The following LMBR1 variants were observed in gnomAD, a reference collection of about 807,000 sequenced individuals.
LMBR1 encodes limb region 1 protein homolog.
Under a neutral mutation model 73.9 loss-of-function variants are expected in LMBR1, and 52 were observed. The ratio of observed to expected loss-of-function variants is 0.70; its 90% CI spans 0.56 to 0.89. The LOEUF is 0.89. LMBR1 is among the 40% of genes least tolerant of loss of function. The pLI, the probability that LMBR1 is intolerant of heterozygous loss-of-function variation, is 0.00. For synonymous variants in LMBR1, 215 were observed against 209.4 expected, an observed-to-expected ratio of 1.03 and a Z score of -0.23; for missense variants, 539 against 579.8, an observed-to-expected ratio of 0.93 and a Z score of 0.72.
intron 15 of LMBR1, among the ~76,000 whole-genome samples, chr7:156,694,259 G>A (rs1807829609): frequency 6.6e-6 from 1 of 152,034 alleles, no homozygotes; most frequent in East Asian, 1.9e-4. Context: ...CAGCCTTCCA[G>A]GTAGTTGGGA....
chr7:156,679,191 C>T lies in LMBR1; in HGVS notation c.*4887G>A, dbSNP rs1288915597. 2.0e-5 allele frequency: 3 copies of T among 152,182 alleles called. No homozygotes were observed. Among genetic ancestry groups the T allele is most frequent in the African/African-American group, 7.2e-5 (3 of 41,438 alleles). The allele number at this position is 152,182 out of a possible 1,614,324, so 9.4% of individuals were successfully genotyped here. ...ATGCAGATGTGTATTTTCGGCTTCGCAAGGTGGTCCTGGGGGTGACTGTGG... is the reference window on the plus strand; with the variant it reads ...ATGCAGATGTGTATTTTCGGCTTCGTAAGGTGGTCCTGGGGGTGACTGTGG... On this transcript the variant is annotated 3_prime_UTR_variant, in exon 17 of 17. Transcript: ENST00000353442.
rs1194019914 is a variant in LMBR1 at position 156,680,395 on chromosome 7, A to AGTGTGTGTGTGTGTGTGT, written c.*3682_*3683insACACACACACACACACAC. 2.2e-4 allele frequency: 31 copies of AGTGTGTGTGTGTGTGTGT among 138,172 alleles called. No individual in the cohort carries two copies. Among genetic ancestry groups the AGTGTGTGTGTGTGTGTGT allele is most frequent in the African/African-American group, 8.4e-4 (29 of 34,394 alleles). The allele number at this position is 138,172 out of a possible 1,614,324, so 8.6% of individuals were successfully genotyped here. On this transcript the variant is annotated 3_prime_UTR_variant, in exon 17 of 17. Coordinates refer to ENST00000353442, the MANE Select transcript of LMBR1 (RefSeq NM_022458.4). ...GAGAGACAGAGAGAGAGAGAGAGAG[A>AGTGTGTGTGTGTGTGTGT]GAGAGAGAGTGTGTGTGTGTGTGTG...
Position 156,762,123 on chromosome 7 carries a change from TA to T in LMBR1, c.684+10del, listed in dbSNP as rs779546373. Reference sequence around the variant, plus strand: ...TTTAATAAACAAAATGATTTATAATTAAATACTTACTGTTGGCTTCACTAGC... The same window carrying T: ...TTTAATAAACAAAATGATTTATAATTAATACTTACTGTTGGCTTCACTAGC... On this transcript the variant is annotated intron_variant, in intron 8 of 16. Transcript: ENST00000353442. 9 of 1,529,374 alleles carry T rather than the reference TA, an allele frequency of 5.9e-6. No homozygotes were observed. Among genetic ancestry groups the T allele is most frequent in the Middle Eastern group, 3.4e-4 (2 of 5,908 alleles). The allele number at this position is 1,529,374 out of a possible 1,614,324, so 94.7% of individuals were successfully genotyped here. A position where few individuals can be genotyped will look rare whatever the true frequency, so the allele number is the denominator to read the frequency against.
intron 1 of LMBR1, among the ~76,000 whole-genome samples, chr7:156,853,715 G>A (rs1380440117): frequency 6.6e-6 from 1 of 152,040 alleles, no homozygotes; most frequent in African/African-American, 2.4e-5. Flanking sequence ...GAGTGCAGTG[G>A]CGTGATCTCA....
chr7:156,800,150 A>G (rs79599858), intron 4 of LMBR1, among the ~76,000 whole-genome samples: 4,841 of 152,368 alleles, frequency 0.032, 121 homozygotes, highest in South Asian at 0.085. Flanking sequence ...GTGGCTGCAC[A>G]AAACAACAGA....
chr7:156,749,629 T>C lies in LMBR1; in HGVS notation c.757+6764A>G, dbSNP rs764738593. On this transcript the variant is annotated intron_variant, in intron 9 of 16. Transcript: ENST00000353442. ...ATTCCAATCTGACACCCAGCAAAAA[T>C]GAAACAACAATATAATCTGTGCTTT... Among the ~76,000 whole-genome samples the C allele has an allele frequency of 5.9e-5, 9 of 152,104 alleles. No homozygotes were observed. The South Asian group carries it at 1.0e-3, about 18-fold the overall frequency.
chr7:156,782,814 G>T (rs1210090389), intron 5 of LMBR1, among the ~76,000 whole-genome samples: 1 of 152,142 alleles, frequency 6.6e-6, no homozygotes, highest in Non-Finnish European at 1.5e-5. Flanking sequence ...CAAAATGGAG[G>T]GATTACAGGA....
chr7:156,873,623 C>G (rs996295308), intron 1 of LMBR1, among the ~76,000 whole-genome samples: 4 of 152,152 alleles, frequency 2.6e-5, no homozygotes, highest in African/African-American at 9.7e-5. Flanking sequence ...TCTCCACGTC[C>G]CCATCAGATT....
chr7:156,791,598 C>T (rs1395888355), intron 5 of LMBR1, among the ~76,000 whole-genome samples: 2 of 152,208 alleles, frequency 1.3e-5, no homozygotes, highest in East Asian at 3.8e-4. Flanking sequence ...TGTCATGTTG[C>T]TCAGCTTTAT....
Position 156,854,933 on chromosome 7 carries a change from G to A in LMBR1, c.67-18048C>T, listed in dbSNP as rs571651485. Among the ~76,000 whole-genome samples the A allele has an allele frequency of 3.3e-5, 5 of 152,326 alleles. No homozygotes were observed. The East Asian group carries it at 9.6e-4, about 29-fold the overall frequency. On this transcript the variant is annotated intron_variant, in intron 1 of 16. Coordinates refer to ENST00000353442, the MANE Select transcript of LMBR1 (RefSeq NM_022458.4). ...CTGAAACCTGTAGCTACTTCAAACAGTAAGCAGCCTAACTCACACATACAT... is the reference window on the plus strand; with the variant it reads ...CTGAAACCTGTAGCTACTTCAAACAATAAGCAGCCTAACTCACACATACAT...
chr7:156,867,291 T>C (rs1377344562), intron 1 of LMBR1, among the ~76,000 whole-genome samples: 4 of 152,186 alleles, frequency 2.6e-5, no homozygotes, highest in African/African-American at 9.7e-5. Flanking sequence ...GTGAAGAAAT[T>C]AGAATTCTCA....
At chr7:156,764,945 G>A (rs903331477) in intron 5 of LMBR1, among the ~76,000 whole-genome samples, 1 of 152,114 alleles carries the variant, frequency 6.6e-6, no homozygotes, top group Non-Finnish European at 1.5e-5. Flanking sequence ...GCTGCATTTG[G>A]CAAGTTTAAA....
intron 1 of LMBR1, among the ~76,000 whole-genome samples, chr7:156,846,756 G>C (rs1411415628): frequency 6.6e-6 from 1 of 152,088 alleles, no homozygotes; most frequent in African/African-American, 2.4e-5. Context: ...AAAAAACAAA[G>C]TCATCTATTA....
chr7:156,676,909 T>C (rs1804166031), downstream of LMBR1: 4 of 438,710 alleles, frequency 9.1e-6, no homozygotes, highest in Non-Finnish European at 1.7e-5. Context: ...AAATGAGAGC[T>C]TGCTTACTTC....
chr7:156,864,482 G>A (rs1798170517), intron 1 of LMBR1, among the ~76,000 whole-genome samples: 1 of 152,136 alleles, frequency 6.6e-6, no homozygotes, highest in Non-Finnish European at 1.5e-5. Flanking sequence ...GCCTTGGAGG[G>A]TGAAGATATG....
intron 4 of LMBR1, among the ~76,000 whole-genome samples, chr7:156,806,673 G>A (rs1327684305): frequency 1.5e-5 from 2 of 136,696 alleles, no homozygotes; most frequent in Admixed American, 7.9e-5. Context: ...GCAGTGGTGC[G>A]ATTTCTCAGC....
rs1826387074 is a variant in LMBR1 at position 156,777,629 on chromosome 7, T to C, written c.424-13834A>G. 3.9e-5 allele frequency among the ~76,000 whole-genome samples: 6 copies of C among 152,226 alleles called. No individual in the cohort carries two copies. In the South Asian group the frequency reaches 1.2e-3, roughly 31 times the overall value. On this transcript the variant is annotated intron_variant, in intron 5 of 16. Coordinates refer to ENST00000353442, the MANE Select transcript of LMBR1 (RefSeq NM_022458.4). ...TACTGCTCAGTTTTTACCTAAGTGA[T>C]CTTGCCTCTTCCAATAGCCAACAAC... is the stretch of plus-strand genomic sequence containing the variant.
intron 15 of LMBR1, among the ~76,000 whole-genome samples, chr7:156,714,477 T>C (rs1368030312): frequency 1.3e-5 from 2 of 152,232 alleles, no homozygotes; most frequent in Admixed American, 6.5e-5. Flanking sequence ...CTGAAGATTA[T>C]GTCTTTATTA....
chr7:156,843,153 G>T (rs1839008231), intron 1 of LMBR1, among the ~76,000 whole-genome samples: 2 of 152,068 alleles, frequency 1.3e-5, no homozygotes, highest in Admixed American at 1.3e-4. Flanking sequence ...CCCTTTTCCT[G>T]CCAGCCTTTA....
Sources: allele counts gnomAD v4.1 joint callset (sites outside exome capture counted in the v4.1 genomes callset), GRCh38; gene constraint gnomAD v4.1.1; transcripts MANE v1.5; gene names NCBI Gene and HGNC (gene_info 2026-07-23, HGNC 2026-07-21).